Variants in PLCB1 observed in about 807,000 individuals in gnomAD.
PLCB1 encodes phospholipase C beta 1.
In PLCB1, 46 loss-of-function variants were observed where a neutral mutation model predicts 161.8. The ratio of observed to expected loss-of-function variants is 0.28; its 90% confidence interval spans 0.22 to 0.36. PLCB1 has a LOEUF of 0.36. Ranked by LOEUF, PLCB1 falls within the 10% of genes least tolerant of loss-of-function variation. The pLI, the probability that PLCB1 is intolerant of heterozygous loss-of-function variation, is 1.00. For synonymous variants in PLCB1, 517 were observed against 503.7 expected (o/e 1.03, Z -0.35); for missense variants, 1,016 against 1,472.5 (o/e 0.69, Z 5.07).
chr20:8,657,091 A>G, intron 7 of PLCB1, 93 bp from the exon 8 acceptor site: 1 of 748,092 alleles, frequency 1.3e-6, no homozygotes, highest in Non-Finnish European at 2.4e-6. Context: ...GGAAGAAAAG[A>G]AAGGAGAGAA....
intron 31 of PLCB1, among the ~76,000 whole-genome samples, chr20:8,864,476 C>T (rs1326524042): frequency 6.6e-6 from 1 of 152,194 alleles, no homozygotes; most frequent in East Asian, 1.9e-4. Context: ...GTGTCTCACT[C>T]ATGTCTCTGC....
At chr20:8,210,131 T>G (rs931175784) in intron 2 of PLCB1, among the ~76,000 whole-genome samples, 1 of 152,110 alleles carries the variant, frequency 6.6e-6, no homozygotes, top group Non-Finnish European at 1.5e-5. Context: ...TTACTGGAAA[T>G]ATATCTCTTA....
chr20:8,412,973 C>T (rs945322942), intron 3 of PLCB1, among the ~76,000 whole-genome samples: 4 of 149,224 alleles, frequency 2.7e-5, no homozygotes, highest in East Asian at 3.9e-4. Flanking sequence ...AAAAAAAAAC[C>T]AATATACATT....
At chr20:8,750,817 AT>A in intron 23 of PLCB1, 1 of 1,362,750 alleles carries the variant, frequency 7.3e-7, no homozygotes, top group African/African-American at 1.5e-5. Context: ...GGATTTCTGC[AT>A]GATGAAATTA....
intron 31 of PLCB1, among the ~76,000 whole-genome samples, chr20:8,867,074 G>A (rs959058534): frequency 6.6e-6 from 1 of 152,136 alleles, no homozygotes; most frequent in African/African-American, 2.4e-5. Context: ...GTTCTCCAGG[G>A]ACATAACTGA....
At chr20:8,499,831 G>A (rs73899115) in intron 3 of PLCB1, among the ~76,000 whole-genome samples, 4,626 of 152,238 alleles carry the variant, frequency 0.03, 234 homozygotes, top group African/African-American at 0.11. Flanking sequence ...ATGCATACTA[G>A]AAGTGTATTA....
intron 3 of PLCB1, among the ~76,000 whole-genome samples, chr20:8,402,737 C>T (rs964021582): frequency 1.1e-4 from 16 of 150,952 alleles, no homozygotes; most frequent in Non-Finnish European, 2.9e-5. Flanking sequence ...CCTAGCTACT[C>T]GGGAGGCTGA....
At chr20:8,308,267 A>G (rs1438850708) in intron 2 of PLCB1, among the ~76,000 whole-genome samples, 1 of 151,962 alleles carries the variant, frequency 6.6e-6, no homozygotes, top group Non-Finnish European at 1.5e-5. Flanking sequence ...CAAATTATTT[A>G]TATTCTTTTA....
chr20:8,872,336 T>C (rs985893736), intron 31 of PLCB1, among the ~76,000 whole-genome samples: 1 of 152,216 alleles, frequency 6.6e-6, no homozygotes, highest in Non-Finnish European at 1.5e-5. Flanking sequence ...TTTACTTCTG[T>C]TTACATCTGG....
chr20:8,537,458 C>A (rs1985100379), intron 3 of PLCB1, among the ~76,000 whole-genome samples: 1 of 152,074 alleles, frequency 6.6e-6, no homozygotes, highest in South Asian at 2.1e-4. Flanking sequence ...TATTTCCTAT[C>A]TATATAGGGA....
chr20:8,154,080 G>A (rs2051535812), intron 2 of PLCB1, among the ~76,000 whole-genome samples: 1 of 152,028 alleles, frequency 6.6e-6, no homozygotes, highest in African/African-American at 2.4e-5. Flanking sequence ...ATAAATTTGT[G>A]CATGTGTAAC....
intron 31 of PLCB1, among the ~76,000 whole-genome samples, chr20:8,815,410 G>A (rs555385195): frequency 1.8e-4 from 27 of 152,276 alleles, no homozygotes; most frequent in African/African-American, 4.6e-4. Flanking sequence ...ACAAAAGTGC[G>A]TTGATGGGCC....
chr20:8,646,158 C>G lies in PLCB1; in HGVS notation c.441C>G (p.Ser147=), dbSNP rs1031381948. The G allele has an allele frequency of 2.5e-6, 4 of 1,612,546 alleles. No homozygotes were observed. The Admixed American group carries it at 6.7e-5, about 27-fold the overall frequency. ...CAAACCTGCTGGCCCAAAACATGTC[C>G]AGGGATGCATTTCTGGAAAAAGCGT... ...LATNLLAQNM[S]RDAFLEKAYT... is the part of the protein sequence containing the mutation. The change falls in exon 5 of 32, where the codon TCC becomes TCG. Residue 147 remains serine (S), a synonymous_variant. Transcript: ENST00000338037.
rs1324828761 is a variant in PLCB1, at chr20:8,797,551, C to G, written c.3423+7290C>G. Among the ~76,000 whole-genome samples the G allele has an allele frequency of 2.0e-5, 3 of 152,056 alleles. No homozygotes were observed. In the South Asian group the frequency reaches 6.2e-4, roughly 32 times the overall value. On this transcript the variant is annotated intron_variant, in intron 31 of 31. Transcript: ENST00000338037. ...TTTTCCTACACTTTTTGCAATGCACCAATTTTTTGTTTAAACTTCTATTCT... is the reference window on the plus strand; with the variant it reads ...TTTTCCTACACTTTTTGCAATGCACGAATTTTTTGTTTAAACTTCTATTCT...
intron 3 of PLCB1, among the ~76,000 whole-genome samples, chr20:8,627,588 A>G (rs1013157488): frequency 2.6e-5 from 4 of 152,336 alleles, no homozygotes; most frequent in African/African-American, 9.6e-5. Flanking sequence ...AAGCTGACTG[A>G]GCCCTATTTT....
intron 4 of PLCB1, among the ~76,000 whole-genome samples, chr20:8,634,592 TTC>T (rs1988702193): frequency 1.3e-5 from 2 of 152,204 alleles, no homozygotes; most frequent in African/African-American, 2.4e-5. Context: ...TTTCCTGAAA[TTC>T]TCTCACACTT....
intron 31 of PLCB1, among the ~76,000 whole-genome samples, chr20:8,862,032 G>A (rs1987274206): frequency 1.3e-5 from 2 of 151,944 alleles, no homozygotes; most frequent in South Asian, 4.1e-4. Flanking sequence ...AAATAGACTG[G>A]CATTATGTTA....
intron 2 of PLCB1, among the ~76,000 whole-genome samples, chr20:8,199,256 G>T (rs754891707): frequency 1.3e-5 from 2 of 151,916 alleles, no homozygotes; most frequent in East Asian, 3.9e-4. Context: ...CGCCATTGTC[G>T]GCAGCGCTGT....
chr20:8,523,240 C>T (rs76493112), intron 3 of PLCB1, among the ~76,000 whole-genome samples: 10,491 of 151,668 alleles, frequency 0.069, 473 homozygotes, highest in Middle Eastern at 0.11. Context: ...AACTCTGTGC[C>T]AGGAACTAGT....
Sources: allele counts gnomAD v4.1 joint callset (sites outside exome capture counted in the v4.1 genomes callset), GRCh38; gene constraint gnomAD v4.1.1; transcripts MANE v1.5; gene names NCBI Gene and HGNC (gene_info 2026-07-23, HGNC 2026-07-21).